Variants in CTNND2 observed in about 807,000 individuals in gnomAD.
CTNND2 encodes catenin delta-2.
Under a neutral mutation model 144.4 loss-of-function variants are expected in CTNND2, and 22 were observed. The ratio of observed to expected loss-of-function variants is 0.15; its 90% CI spans 0.11 to 0.22. CTNND2 has a LOEUF of 0.22. CTNND2 is among the 10% of genes least tolerant of loss of function. CTNND2 has a pLI of 1.00. For synonymous variants in CTNND2, 751 were observed against 695.6 expected (o/e 1.08, Z -1.25); for missense variants, 1,353 against 1,618.8 (o/e 0.84, Z 2.82).
intron 1 of CTNND2, among the ~76,000 whole-genome samples, chr5:11,836,473 G>T (rs1794187089): frequency 6.6e-6 from 1 of 151,712 alleles, no homozygotes; most frequent in Admixed American, 6.6e-5. Flanking sequence ...CTATGGTTCT[G>T]CAAAGTCTCA....
rs148509998 is a variant in CTNND2 at position 11,346,428 on chromosome 5, C to T, written c.1572G>A (p.Pro524=). ...GGGACCTGGCCAAGGTGCCTTCAGGCGGGAGAGCAGGGCCGGATTTGCTGT... is the reference window on the plus strand; with the variant it reads ...GGGACCTGGCCAAGGTGCCTTCAGGTGGGAGAGCAGGGCCGGATTTGCTGT... ...SPYSKSGPAL[P]PEGTLARSPS... The change falls in exon 9 of 22, where the codon CCG becomes CCA. Residue 524 remains proline (P), a synonymous_variant. Transcript: ENST00000304623. 3.7e-5 allele frequency: 57 copies of T among 1,544,818 alleles called. No homozygotes were observed. The Admixed American group carries it at 4.1e-4, about 11-fold the overall frequency.
rs874291 is a variant in CTNND2 at position 10,988,725 on chromosome 5, C to G, written c.3212-483G>C. Among the ~76,000 whole-genome samples the G allele has an allele frequency of 0.4, 60,655 of 151,898 alleles. 12,509 individuals are homozygous for G. Among genetic ancestry groups the G allele is most frequent in the African/African-American group, 0.49 (20,305 of 41,384 alleles). ...CAGTTTTACTTAAACACTGAGTCACCTAGAAACTGCCTTTAAAAAAGTCAG... is the reference window on the plus strand; with the variant it reads ...CAGTTTTACTTAAACACTGAGTCACGTAGAAACTGCCTTTAAAAAAGTCAG... On this transcript the variant is annotated intron_variant, in intron 19 of 21. Coordinates refer to ENST00000304623, the MANE Select transcript of CTNND2 (RefSeq NM_001332.4). This position sits in a 1 kb window ranked among gnomAD's most constrained non-coding sequence, Gnocchi z 5.9.
intron 3 of CTNND2, among the ~76,000 whole-genome samples, chr5:11,430,083 C>T (rs6894143): frequency 6.6e-6 from 1 of 151,480 alleles, no homozygotes; most frequent in Non-Finnish European, 1.5e-5. Context: ...AAACTAGTCT[C>T]TACTAAAAAT....
chr5:11,673,430 T>G (rs1355208334), intron 2 of CTNND2, among the ~76,000 whole-genome samples: 1 of 152,234 alleles, frequency 6.6e-6, no homozygotes, highest in Non-Finnish European at 1.5e-5. Context: ...TCTTTTTATT[T>G]TTATTTGTTT....
At chr5:11,281,154 G>A (rs529281604) in intron 9 of CTNND2, among the ~76,000 whole-genome samples, 8 of 152,274 alleles carry the variant, frequency 5.3e-5, no homozygotes, top group South Asian at 2.1e-4. Context: ...AATGGCAGAC[G>A]TTTGCTCCTT....
intron 6 of CTNND2, among the ~76,000 whole-genome samples, chr5:11,392,718 T>C (rs1229810600): frequency 1.3e-5 from 2 of 152,210 alleles, no homozygotes; most frequent in Non-Finnish European, 2.9e-5. Flanking sequence ...ATTCTGCCAC[T>C]TTCCTGCAAA....
intron 11 of CTNND2, among the ~76,000 whole-genome samples, chr5:11,184,080 T>C (rs1360960141): frequency 2.6e-5 from 4 of 152,240 alleles, no homozygotes; most frequent in Non-Finnish European, 5.9e-5. Flanking sequence ...TTTTGGTTAA[T>C]AAAAGTGTTT....
At chr5:11,545,662 C>CAAAAAAAAAAAAA (rs34532125) in intron 3 of CTNND2, among the ~76,000 whole-genome samples, 1 of 74,258 alleles carries the variant, frequency 1.3e-5, no homozygotes. Flanking sequence ...GACTGTGTCT[C>CAAAAAAAAAAAAA]AAAAAAAAAA....
intron 3 of CTNND2, among the ~76,000 whole-genome samples, chr5:11,517,555 T>C (rs1217684415): frequency 6.6e-6 from 1 of 151,828 alleles, no homozygotes; most frequent in East Asian, 1.9e-4. Flanking sequence ...CAAACTAATA[T>C]ATCCATCACC....
intron 2 of CTNND2, among the ~76,000 whole-genome samples, chr5:11,595,878 C>T (rs1217634698): frequency 6.6e-6 from 1 of 152,200 alleles, no homozygotes; most frequent in Non-Finnish European, 1.5e-5. Context: ...AGAAACACAT[C>T]TGCTATATGG....
intron 2 of CTNND2, among the ~76,000 whole-genome samples, chr5:11,728,148 C>T (rs1194413094): frequency 1.3e-5 from 2 of 152,086 alleles, no homozygotes; most frequent in African/African-American, 2.4e-5. Flanking sequence ...ATATAAAGTA[C>T]TCAGTGTCGT....
At chr5:11,619,008 G>A (rs1304845298) in intron 2 of CTNND2, among the ~76,000 whole-genome samples, 2 of 152,076 alleles carry the variant, frequency 1.3e-5, no homozygotes, top group African/African-American at 2.4e-5. Context: ...AAAATTAATC[G>A]ACAATCATTT....
chr5:11,179,027 A>G (rs1235023119), intron 11 of CTNND2, among the ~76,000 whole-genome samples: 2 of 152,214 alleles, frequency 1.3e-5, no homozygotes, highest in African/African-American at 4.8e-5. Flanking sequence ...CAATGAGCAG[A>G]TAATTTTTCA....
intron 1 of CTNND2, among the ~76,000 whole-genome samples, chr5:11,742,317 T>C (rs1269583775): frequency 6.6e-6 from 1 of 152,138 alleles, no homozygotes; most frequent in Non-Finnish European, 1.5e-5. Flanking sequence ...TAGAAACATT[T>C]ATAACTCTTC....
intron 12 of CTNND2, among the ~76,000 whole-genome samples, chr5:11,152,614 T>C (rs1481301941): frequency 6.6e-6 from 1 of 152,078 alleles, no homozygotes; most frequent in Non-Finnish European, 1.5e-5. Context: ...GAGGAAGTGA[T>C]CTGGAAATGT....
intron 1 of CTNND2, among the ~76,000 whole-genome samples, chr5:11,791,662 A>C (rs1791142368): frequency 6.6e-6 from 1 of 152,240 alleles, no homozygotes; most frequent in Admixed American, 6.5e-5. Context: ...ACACTAGCTT[A>C]ATCTCCAATG....
intron 1 of CTNND2, among the ~76,000 whole-genome samples, chr5:11,902,101 T>G (rs1393269438): frequency 2.0e-5 from 3 of 152,206 alleles, no homozygotes; most frequent in African/African-American, 7.2e-5. Flanking sequence ...CACTGACTTG[T>G]GATTAGTGTA....
intron 18 of CTNND2, among the ~76,000 whole-genome samples, chr5:11,001,239 T>C (rs1166787799): frequency 1.3e-5 from 2 of 152,154 alleles, no homozygotes; most frequent in Admixed American, 1.3e-4. Flanking sequence ...CTTGGTTCTG[T>C]ATTAGGCAAA....
chr5:11,084,595 G>T (rs2149639479), intron 15 of CTNND2, among the ~76,000 whole-genome samples: 1 of 152,250 alleles, frequency 6.6e-6, no homozygotes, highest in Non-Finnish European at 1.5e-5. Context: ...GACCTTCTGG[G>T]AGATGGCAGG....
Sources: gnomAD v4.1 joint callset for allele counts (sites outside exome capture counted in the v4.1 genomes callset) on GRCh38, gnomAD v4.1.1 for gene constraint, Gnocchi (gnomAD v3.1) non-coding constraint, MANE v1.5 for transcripts, NCBI Gene and HGNC (gene_info 2026-07-23, HGNC 2026-07-21) for gene names.